Variants in TOX observed in about 807,000 individuals in gnomAD.
TOX encodes the protein thymocyte selection-associated high mobility group box protein TOX.
TOX carries 11 observed loss-of-function variants against 53.7 expected under a neutral mutation model. That is an observed-to-expected ratio of 0.20 (90% CI 0.13 to 0.34). The LOEUF is 0.34. Ranked by LOEUF, TOX falls within the 10% of genes least tolerant of loss-of-function variation. The probability of loss-of-function intolerance (pLI) is 1.00; values close to 1 mark genes in which losing one functional copy is unlikely to be tolerated. For missense variants in TOX, 570 were observed against 664.6 expected (o/e 0.86, Z 1.56); for synonymous variants, 225 against 245.3 (o/e 0.92, Z 0.77).
At chr8:59,102,190 T>C (rs1804819037) in intron 1 of TOX, among the ~76,000 whole-genome samples, 1 of 152,100 alleles carries the variant, frequency 6.6e-6, no homozygotes, top group Non-Finnish European at 1.5e-5. Context: ...TGGCGGCAGG[T>C]AACAAAAGAG....
intron 1 of TOX, among the ~76,000 whole-genome samples, chr8:58,998,493 G>GTGTATA (rs1491538699): frequency 3.1e-5 from 2 of 63,618 alleles, no homozygotes; most frequent in African/African-American, 1.1e-4. Context: ...CATCTCAAAA[G>GTGTATA]TATATATATA....
At chr8:59,017,044 G>C (rs1475049922) in intron 1 of TOX, among the ~76,000 whole-genome samples, 1 of 152,152 alleles carries the variant, frequency 6.6e-6, no homozygotes, top group African/African-American at 2.4e-5. Context: ...TCTTCCAGGG[G>C]GACAGATGGC....
At chr8:59,114,723 C>T (rs1274933793) in intron 1 of TOX, among the ~76,000 whole-genome samples, 1 of 152,168 alleles carries the variant, frequency 6.6e-6, no homozygotes, top group Admixed American at 6.5e-5. Flanking sequence ...CCTACTCTTC[C>T]TCCCATCTTT....
intron 3 of TOX, among the ~76,000 whole-genome samples, chr8:58,905,431 G>GA (rs1223861534): frequency 1.3e-5 from 2 of 151,994 alleles, no homozygotes; most frequent in Admixed American, 1.3e-4. Context: ...GTGGCCTTTG[G>GA]AAAAAAATCT....
At chr8:58,842,697 G>A (rs1205277172) in intron 4 of TOX, among the ~76,000 whole-genome samples, 1 of 152,120 alleles carries the variant, frequency 6.6e-6, no homozygotes. Context: ...TTGACAACAG[G>A]CCCTACTTTT....
intron 1 of TOX, among the ~76,000 whole-genome samples, chr8:59,001,688 C>T (rs1413026970): frequency 6.6e-6 from 1 of 152,100 alleles, no homozygotes; most frequent in Non-Finnish European, 1.5e-5. Context: ...TTTAAAAATA[C>T]TATTATTTTG....
intron 1 of TOX, among the ~76,000 whole-genome samples, chr8:58,999,048 A>G (rs1421554873): frequency 2.0e-5 from 3 of 152,238 alleles, no homozygotes; most frequent in African/African-American, 7.2e-5. Flanking sequence ...TTTAGTGAAA[A>G]GAGTTTCCAA....
chr8:58,913,079 C>T (rs1353822491), intron 3 of TOX, among the ~76,000 whole-genome samples: 1 of 152,178 alleles, frequency 6.6e-6, no homozygotes, highest in African/African-American at 2.4e-5. Context: ...TCATTCATAT[C>T]CATTGAATGA....
chr8:58,992,100 T>C (rs1049794454), intron 1 of TOX: 4 of 152,254 alleles, frequency 2.6e-5, no homozygotes, highest in African/African-American at 7.2e-5. Context: ...CTGCTGGCTA[T>C]GACTTTGTAG....
intron 3 of TOX, among the ~76,000 whole-genome samples, chr8:58,877,578 C>T (rs1811307395): frequency 6.6e-6 from 1 of 152,186 alleles, no homozygotes; most frequent in South Asian, 2.1e-4. Context: ...AGTGGAATCA[C>T]AGAACTGCAC....
At position 58,826,854 on chromosome 8, in the gene TOX, G is replaced by A; in HGVS notation, c.973C>T (p.Leu325Phe). 1 of 1,612,196 alleles carries A rather than the reference G, an allele frequency of 6.2e-7. No individual in the cohort carries two copies. Among genetic ancestry groups the A allele is most frequent in the Non-Finnish European group, 8.5e-7 (1 of 1,179,200 alleles). ...ACAAGGCTGGCTCTGTATGCTGCGA[G>A]TTGCTTCAGGTACTCCTTCTTCGCA... ...EAAKKEYLKQ[L>F]AAYRASLVSK... Residue 325 changes from leucine (L) to phenylalanine (F), a missense_variant, in exon 6 of 9, where the codon CTC becomes TTC. Physicochemically the swap from Leu to Phe is conservative, Grantham distance 22. Around this residue, in one of 3 missense-constraint regions of TOX, gnomAD observed 49 missense variants for 98.9 expected, o/e 0.50. Transcript: ENST00000361421.
At chr8:58,846,347 A>G (rs1229504463) in intron 4 of TOX, among the ~76,000 whole-genome samples, 1 of 152,166 alleles carries the variant, frequency 6.6e-6, no homozygotes, top group African/African-American at 2.4e-5. Flanking sequence ...GTACAGTTCA[A>G]TGATGACAAT....
intron 3 of TOX, among the ~76,000 whole-genome samples, chr8:58,933,899 T>C (rs1378263045): frequency 6.6e-6 from 1 of 152,120 alleles, no homozygotes; most frequent in African/African-American, 2.4e-5. Flanking sequence ...TCCAGTCTTC[T>C]ATAGATCTAC....
chr8:58,920,749 G>A (rs371468990), intron 3 of TOX, among the ~76,000 whole-genome samples: 936 of 109,628 alleles, frequency 8.5e-3, no homozygotes, highest in Middle Eastern at 0.016. Context: ...AAAAAAAGAA[G>A]AAAAAAAAAA....
intron 1 of TOX, among the ~76,000 whole-genome samples, chr8:59,018,983 T>C (rs893453068): frequency 1.3e-5 from 2 of 152,178 alleles, no homozygotes; most frequent in Non-Finnish European, 2.9e-5. Context: ...CTGTTTTCAT[T>C]GTTAAGCCTT....
intron 5 of TOX, among the ~76,000 whole-genome samples, chr8:58,833,925 C>T (rs1259072725): frequency 6.6e-6 from 1 of 152,280 alleles, no homozygotes; most frequent in Non-Finnish European, 1.5e-5. Context: ...TTTCAGCTTC[C>T]TTTTGATTTC....
chr8:59,080,480 G>A (rs942874107), intron 1 of TOX, among the ~76,000 whole-genome samples: 10 of 152,260 alleles, frequency 6.6e-5, no homozygotes, highest in South Asian at 2.1e-4. Context: ...TTTTGGGGAC[G>A]GTTAGGAAGG....
chr8:58,984,309 A>G (rs1247001873), intron 1 of TOX, among the ~76,000 whole-genome samples: 1 of 152,222 alleles, frequency 6.6e-6, no homozygotes, highest in Non-Finnish European at 1.5e-5. Flanking sequence ...AAAGCCAACA[A>G]ATCAACAACA....
chr8:58,990,830 A>G (rs1437582679), intron 1 of TOX, among the ~76,000 whole-genome samples: 4 of 152,142 alleles, frequency 2.6e-5, no homozygotes, highest in African/African-American at 9.7e-5. Flanking sequence ...TGCTCCCACA[A>G]TGTGGGCCAC....
Sources: allele counts gnomAD v4.1 joint callset (sites outside exome capture counted in the v4.1 genomes callset), GRCh38; gene constraint gnomAD v4.1.1; regional missense constraint gnomAD v4.1.1; transcripts MANE v1.5; gene names NCBI Gene and HGNC (gene_info 2026-07-23, HGNC 2026-07-21).